The following ADCY5 variants were observed in gnomAD, a reference collection of about 807,000 sequenced individuals.
ADCY5 encodes the protein adenylate cyclase type 5.
In ADCY5, 30 loss-of-function variants were observed where a neutral mutation model predicts 119.7. The ratio of observed to expected loss-of-function variants is 0.25; its 90% CI spans 0.19 to 0.34. The LOEUF is 0.34. ADCY5 is among the 10% of genes least tolerant of loss of function. ADCY5 has a pLI of 1.00. For missense variants in ADCY5, 1,324 were observed against 1,775.2 expected (o/e 0.75, Z 4.57); for synonymous variants, 753 against 762.2 (o/e 0.99, Z 0.20).
At chr3:123,345,769 G>GACACAC (rs56185421) in intron 3 of ADCY5, among the ~76,000 whole-genome samples, 7 of 113,838 alleles carry the variant, frequency 6.1e-5, no homozygotes, top group African/African-American at 2.8e-4. Context: ...CAGACAGACA[G>GACACAC]ACACACACAC....
chr3:123,405,094 G>C (rs1944866785), intron 1 of ADCY5, among the ~76,000 whole-genome samples: 1 of 152,258 alleles, frequency 6.6e-6, no homozygotes, highest in African/African-American at 2.4e-5. Context: ...ACAGCTGCTG[G>C]AAGTGCCACC....
Position 123,447,755 on chromosome 3 carries a change from G to A in ADCY5, c.791C>T (p.Pro264Leu). ...GGCCAGGTAGGGCAGCTGGAGCGGG[G>A]GCCGCGCCGCGTGGAAGGCCAACAT... ...LVMLAFHAAR[P>L]PLQLPYLAVL... The change falls in exon 1 of 21, where the codon CCC (proline) becomes CTC (leucine). Residue 264 changes from proline (P) to leucine (L), a missense_variant. Coordinates refer to ENST00000462833, the MANE Select transcript of ADCY5 (RefSeq NM_183357.3). 2 of 1,605,842 alleles carry A rather than the reference G, an allele frequency of 1.2e-6. No individual in the cohort carries two copies. The highest frequency in any genetic ancestry group is 1.7e-6 in the Non-Finnish European group (2 of 1,175,132).
intron 1 of ADCY5, among the ~76,000 whole-genome samples, chr3:123,436,316 T>G (rs548373036): frequency 1.1e-4 from 16 of 152,104 alleles, no homozygotes; most frequent in African/African-American, 3.9e-4. Context: ...GAGGTTGCAG[T>G]AAGCCAAGAT....
chr3:123,431,667 G>A (rs1217586236), intron 1 of ADCY5, among the ~76,000 whole-genome samples: 1 of 152,112 alleles, frequency 6.6e-6, no homozygotes, highest in Admixed American at 6.5e-5. Context: ...CCACATTTGG[G>A]GTTAATTGCT....
intron 1 of ADCY5, among the ~76,000 whole-genome samples, chr3:123,408,124 C>G (rs947886689): frequency 5.3e-5 from 8 of 152,130 alleles, no homozygotes; most frequent in Non-Finnish European, 7.3e-5. Context: ...CCTGGACCTA[C>G]GGTGAAAAAT....
At chr3:123,405,643 T>C (rs1168743144) in intron 1 of ADCY5, among the ~76,000 whole-genome samples, 1 of 152,196 alleles carries the variant, frequency 6.6e-6, no homozygotes, top group Non-Finnish European at 1.5e-5. Context: ...TATTTTATTT[T>C]ATTTATTTTG....
chr3:123,304,877 G>C (rs1940115320), intron 12 of ADCY5, among the ~76,000 whole-genome samples: 1 of 152,138 alleles, frequency 6.6e-6, no homozygotes, highest in Non-Finnish European at 1.5e-5. Context: ...ATCTGATGCA[G>C]CTGGCCTTGT....
At chr3:123,386,019 G>A (rs1048275628) in intron 1 of ADCY5, among the ~76,000 whole-genome samples, 3 of 152,134 alleles carry the variant, frequency 2.0e-5, no homozygotes, top group Non-Finnish European at 2.9e-5. Context: ...AAGTGACAGC[G>A]CCACAGGACC....
intron 5 of ADCY5, among the ~76,000 whole-genome samples, chr3:123,330,411 TTCTC>T (rs1409619146): frequency 1.3e-5 from 2 of 152,198 alleles, no homozygotes; most frequent in South Asian, 2.1e-4. Flanking sequence ...GGCAGGGTGA[TTCTC>T]TCTAAGCGGA....
At chr3:123,385,921 T>G (rs1196644723) in intron 1 of ADCY5, among the ~76,000 whole-genome samples, 2 of 152,060 alleles carry the variant, frequency 1.3e-5, no homozygotes, top group Non-Finnish European at 2.9e-5. Context: ...CCAAGACGGC[T>G]CTCCAGGGTA....
intron 1 of ADCY5, among the ~76,000 whole-genome samples, chr3:123,411,927 C>T (rs1237191244): frequency 1.3e-5 from 2 of 152,188 alleles, no homozygotes; most frequent in Non-Finnish European, 2.9e-5. Flanking sequence ...ATCCCCGCAG[C>T]CTGTGGGCCC....
At chr3:123,404,261 C>T (rs912995678) in intron 1 of ADCY5, 5 of 152,182 alleles carry the variant, frequency 3.3e-5, no homozygotes, top group African/African-American at 1.2e-4. Flanking sequence ...TGACAAGCAC[C>T]CCGAGTGCTG....
At chr3:123,362,972 T>G (rs1201991920) in intron 1 of ADCY5, among the ~76,000 whole-genome samples, 1 of 151,560 alleles carries the variant, frequency 6.6e-6, no homozygotes, top group Non-Finnish European at 1.5e-5. Context: ...TGAAACCCTG[T>G]CTCTACTAAA....
intron 18 of ADCY5, 88 bp downstream of exon 18, chr3:123,291,025 G>T: frequency 6.8e-7 from 1 of 1,470,074 alleles, no homozygotes. Context: ...TGGTAGAAGG[G>T]GGCGCCAGGT....
At chr3:123,351,579 G>A (rs7614016) in intron 2 of ADCY5, among the ~76,000 whole-genome samples, 27,973 of 152,100 alleles carry the variant, frequency 0.18, 2,891 homozygotes, top group Admixed American at 0.26. Flanking sequence ...GGAGCTAGTG[G>A]GAGCCCCATC....
At chr3:123,375,493 C>T (rs1440448132) in intron 1 of ADCY5, among the ~76,000 whole-genome samples, 2 of 152,240 alleles carry the variant, frequency 1.3e-5, no homozygotes, top group East Asian at 3.9e-4. Context: ...GGCTCAGCCA[C>T]CAGTCTGGGG....
intron 5 of ADCY5, among the ~76,000 whole-genome samples, chr3:123,330,574 T>C (rs1353013915): frequency 6.6e-6 from 1 of 152,128 alleles, no homozygotes; most frequent in Non-Finnish European, 1.5e-5. Context: ...GCCCCGGAAG[T>C]GCAAGGGCCT....
chr3:123,362,505 T>C (rs1459221335), intron 1 of ADCY5, among the ~76,000 whole-genome samples: 1 of 152,226 alleles, frequency 6.6e-6, no homozygotes, highest in African/African-American at 2.4e-5. Context: ...TGTTTTGTTA[T>C]TTTTAATTAC....
At chr3:123,358,493 G>A (rs1481344027) in intron 1 of ADCY5, among the ~76,000 whole-genome samples, 1 of 152,182 alleles carries the variant, frequency 6.6e-6, no homozygotes, top group Non-Finnish European at 1.5e-5. Context: ...CCAGCTACTT[G>A]GGAGGCTGAG....
Sources: gnomAD v4.1 joint callset for allele counts (sites outside exome capture counted in the v4.1 genomes callset) on GRCh38, gnomAD v4.1.1 for gene constraint, MANE v1.5 for transcripts, NCBI Gene and HGNC (gene_info 2026-07-23, HGNC 2026-07-21) for gene names.